The following AP3S2 variants were observed in gnomAD, a reference collection of about 807,000 sequenced individuals.
AP3S2 encodes the protein adaptor related protein complex 3 subunit sigma 2, also known as AP-3 complex subunit sigma-2.
AP3S2 carries 22 observed loss-of-function variants against 23.4 expected under a neutral mutation model. The observed-to-expected ratio is 0.94, with a 90% CI of 0.67 to 1.34. The LOEUF (loss-of-function observed/expected upper bound fraction) is 1.34, where lower values mean the gene tolerates loss of function less well. AP3S2 is among the 40% of genes most tolerant of loss of function. AP3S2 has a pLI of 0.00. For missense variants in AP3S2, 241 were observed against 236.9 expected, an observed-to-expected ratio of 1.02 and a Z score of -0.11; for synonymous variants, 86 against 87.1, an observed-to-expected ratio of 0.99 and a Z score of 0.07.
chr15:89,877,696 G>A (rs953192638), intron 3 of AP3S2, among the ~76,000 whole-genome samples: 6 of 152,072 alleles, frequency 3.9e-5, no homozygotes, highest in African/African-American at 7.2e-5. Context: ...TCAGGTGGCT[G>A]AGGCACAAGA....
intron 4 of AP3S2, among the ~76,000 whole-genome samples, chr15:89,849,657 G>A (rs553267414): frequency 2.6e-5 from 4 of 152,224 alleles, no homozygotes; most frequent in East Asian, 3.9e-4. Context: ...ATGAGCCACT[G>A]CGCCCAGCCT....
intron 4 of AP3S2, among the ~76,000 whole-genome samples, chr15:89,859,630 G>A (rs1177308229): frequency 7.3e-5 from 11 of 151,088 alleles, no homozygotes; most frequent in Non-Finnish European, 1.5e-4. Flanking sequence ...CCTGACCTCA[G>A]GTGAGCCACC....
At chr15:89,868,357 C>CTCT (rs1896209147) in intron 4 of AP3S2, among the ~76,000 whole-genome samples, 1 of 94,782 alleles carries the variant, frequency 1.1e-5, no homozygotes, top group East Asian at 3.8e-4. Context: ...GTCAGCCCCC[C>CTCT]GCCCGGCCAG....
At chr15:89,879,334 C>T (rs1388690171) in intron 3 of AP3S2, among the ~76,000 whole-genome samples, 2 of 152,224 alleles carry the variant, frequency 1.3e-5, no homozygotes, top group Admixed American at 6.5e-5. Flanking sequence ...CTTATTAAAG[C>T]AGCAATTCCA....
chr15:89,881,886 T>C (rs1596218792), intron 3 of AP3S2, among the ~76,000 whole-genome samples: 1 of 151,742 alleles, frequency 6.6e-6, no homozygotes, highest in East Asian at 1.9e-4. Flanking sequence ...AATGGCACGA[T>C]CTCAGCTTAC....
At chr15:89,877,523 ACCACC>A in intron 3 of AP3S2, 1 of 631,830 alleles carries the variant, frequency 1.6e-6, no homozygotes, top group South Asian at 1.5e-5. Context: ...TGCAACCATC[ACCACC>A]ATCCATGTTC....
intron 3 of AP3S2, among the ~76,000 whole-genome samples, chr15:89,881,575 C>T (rs183196229): frequency 5.3e-5 from 8 of 152,034 alleles, no homozygotes; most frequent in African/African-American, 1.9e-4. Flanking sequence ...TTAGAATATA[C>T]AAAATATGAC....
intron 4 of AP3S2, among the ~76,000 whole-genome samples, chr15:89,867,004 CCCCCTA>C (rs1896142945): frequency 2.1e-5 from 2 of 95,212 alleles, no homozygotes; most frequent in African/African-American, 4.1e-5. Flanking sequence ...CTCTCCCTCT[CCCCCTA>C]CCCCTCCCCC....
At position 89,856,137 on chromosome 15, in the gene AP3S2, C is replaced by T. The variant is rs1350069310; in HGVS notation, c.345+15338G>A. Among the ~76,000 whole-genome samples the T allele has an allele frequency of 2.6e-5, 4 of 152,140 alleles. No homozygotes were observed. In the East Asian group the frequency reaches 7.7e-4, roughly 29 times the overall value. On this transcript the variant is annotated intron_variant, in intron 4 of 5. Coordinates refer to ENST00000336418, the MANE Select transcript of AP3S2 (RefSeq NM_005829.5). ...CTTGAGGAACACAGGGTTCCTAGTT[C>T]CTCCTGAGTGCACCCAGAGGTTATC...
intron 3 of AP3S2, among the ~76,000 whole-genome samples, chr15:89,877,714 GA>G (rs1394726401): frequency 6.6e-6 from 1 of 152,068 alleles, no homozygotes; most frequent in Non-Finnish European, 1.5e-5. Flanking sequence ...AGAATTGCTT[GA>G]ACCTGAGAGG....
intron 4 of AP3S2, among the ~76,000 whole-genome samples, chr15:89,840,977 T>C (rs1482966951): frequency 3.3e-5 from 5 of 152,336 alleles, no homozygotes; most frequent in Non-Finnish European, 7.4e-5. Context: ...AATTCTTCCA[T>C]GCTTTATCTC....
At chr15:89,892,725 G>A (rs1183280602) in intron 1 of AP3S2, among the ~76,000 whole-genome samples, 2 of 152,152 alleles carry the variant, frequency 1.3e-5, no homozygotes, top group African/African-American at 4.8e-5. Context: ...GTGCAGTGGC[G>A]CTATCTTGGC....
intron 3 of AP3S2, among the ~76,000 whole-genome samples, chr15:89,875,734 G>C (rs1896427776): frequency 1.3e-5 from 2 of 152,116 alleles, no homozygotes; most frequent in Non-Finnish European, 2.9e-5. Context: ...AAATTGCTTG[G>C]GCTCACAAGT....
chr15:89,858,515 GAGAGAGAGAGAA>G (rs1307913345), intron 4 of AP3S2, among the ~76,000 whole-genome samples: 66 of 46,244 alleles, frequency 1.4e-3, no homozygotes, highest in African/African-American at 3.5e-3. Flanking sequence ...GAGAGAGAGA[GAGAGAGAGAGAA>G]AGAAAGAAAG....
intron 4 of AP3S2, among the ~76,000 whole-genome samples, chr15:89,857,978 T>C (rs1895880716): frequency 6.6e-6 from 1 of 152,144 alleles, no homozygotes; most frequent in Admixed American, 6.5e-5. Flanking sequence ...AGCCTGGACC[T>C]CAGAGGAACT....
chr15:89,868,882 G>A (rs865774923), intron 4 of AP3S2, among the ~76,000 whole-genome samples: 224 of 140,188 alleles, frequency 1.6e-3, no homozygotes, highest in African/African-American at 5.8e-3. Context: ...GCCTCTGCCC[G>A]GCCGCCCCTA....
chr15:89,842,606 CTTTA>C (rs150029872), intron 4 of AP3S2, among the ~76,000 whole-genome samples: 2,953 of 152,222 alleles, frequency 0.019, 103 homozygotes, highest in African/African-American at 0.067. Flanking sequence ...GACTCAAGGA[CTTTA>C]TTTATTTTTA....
At chr15:89,857,504 A>C (rs1895870193) in intron 4 of AP3S2, among the ~76,000 whole-genome samples, 1 of 152,234 alleles carries the variant, frequency 6.6e-6, no homozygotes, top group Non-Finnish European at 1.5e-5. Context: ...CTCGCCTCCC[A>C]CATATAAAAA....
At chr15:89,846,747 C>T (rs548101595) in intron 4 of AP3S2, among the ~76,000 whole-genome samples, 4 of 152,252 alleles carry the variant, frequency 2.6e-5, no homozygotes, top group South Asian at 2.1e-4. Context: ...AGGATGGTCT[C>T]GATCTCCTGA....
Sources: allele counts gnomAD v4.1 joint callset (sites outside exome capture counted in the v4.1 genomes callset), GRCh38; gene constraint gnomAD v4.1.1; transcripts MANE v1.5; gene names NCBI Gene and HGNC (gene_info 2026-07-23, HGNC 2026-07-21).